MEF2B: variants seen among roughly 807,000 people sequenced by gnomAD.
MEF2B encodes myocyte-specific enhancer factor 2B.
MEF2B carries 15 observed loss-of-function variants against 32.2 expected under a neutral mutation model. The ratio of observed to expected loss-of-function variants is 0.47; its 90% CI spans 0.31 to 0.72. The LOEUF (loss-of-function observed/expected upper bound fraction) is 0.72. Among genes scored for constraint, MEF2B ranks in the 30% least tolerant of loss-of-function variants. The pLI, the probability that MEF2B is intolerant of heterozygous loss-of-function variation, is 0.05. For synonymous variants in MEF2B, 205 were observed against 225.6 expected (o/e 0.91, Z 0.82); for missense variants, 441 against 511.5 (o/e 0.86, Z 1.33).
In MEF2B at chr19:19,159,277, G is replaced by A. The variant is rs1054835477; in HGVS notation, c.-29-8513C>T. Among the ~76,000 whole-genome samples, 23 of 148,838 alleles carry A rather than the reference G, an allele frequency of 1.5e-4. No individual in the cohort carries two copies. The East Asian group carries it at 3.2e-3, about 21-fold the overall frequency. On this transcript the variant is annotated intron_variant, in intron 1 of 8. Coordinates refer to ENST00000424583, the MANE Select transcript of MEF2B (RefSeq NM_001145785.2). ...AAAAAAAAAAAAAATTAAATCTAGC[G>A]GGGCATGGTGGTGCCTGCCTGTAGT...
At chr19:19,162,849 A>T (rs1302894785) in intron 1 of MEF2B, among the ~76,000 whole-genome samples, 1 of 152,172 alleles carries the variant, frequency 6.6e-6, no homozygotes, top group South Asian at 2.1e-4. Context: ...CCACTGCGTG[A>T]TACTTTCTGA....
chr19:19,156,142 C>T (rs552129734), intron 1 of MEF2B, among the ~76,000 whole-genome samples: 57 of 152,184 alleles, frequency 3.7e-4, no homozygotes, highest in African/African-American at 1.3e-3. Flanking sequence ...TCATACTTAG[C>T]GTTTATTAAG....
chr19:19,152,394 A>G (rs1324968060), intron 1 of MEF2B, among the ~76,000 whole-genome samples: 1 of 105,634 alleles, frequency 9.5e-6, no homozygotes, highest in African/African-American at 4.0e-5. Context: ...AAAAAAAAAG[A>G]AAAAGAAAAA....
At chr19:19,150,347 G>T (rs2060066817) in intron 2 of MEF2B, among the ~76,000 whole-genome samples, 1 of 151,764 alleles carries the variant, frequency 6.6e-6, no homozygotes, top group African/African-American at 2.4e-5. Flanking sequence ...GGCCCACATG[G>T]TGAAACCCCG....
intron 1 of MEF2B, among the ~76,000 whole-genome samples, chr19:19,160,480 C>A (rs2060151772): frequency 6.6e-6 from 1 of 152,136 alleles, no homozygotes; most frequent in Non-Finnish European, 1.5e-5. Context: ...AGGAACAAGT[C>A]AAGTTCCCTT....
chr19:19,168,020 C>T (rs1268858297), intron 1 of MEF2B, among the ~76,000 whole-genome samples: 1 of 152,222 alleles, frequency 6.6e-6, no homozygotes, highest in East Asian at 1.9e-4. Context: ...TCCCCCTTTA[C>T]TGAACAACAG....
In MEF2B at chr19:19,146,301, C is replaced by T; in HGVS notation, c.853G>A (p.Gly285Arg). 7.5e-7 allele frequency: 1 copy of T among 1,333,370 alleles called. No homozygotes were observed. Among genetic ancestry groups the T allele is most frequent in the Non-Finnish European group, 9.7e-7 (1 of 1,035,034 alleles). 82.6% of individuals were successfully genotyped at this position (1,333,370 alleles called of 1,614,324 possible). Reference sequence around the variant, plus strand: ...GGCTGGGAGGACACGGCGGGGGGCCCATCACCCCTCGAGGGCTGCCAGGGG... The same window carrying T: ...GGCTGGGAGGACACGGCGGGGGGCCTATCACCCCTCGAGGGCTGCCAGGGG... ...LAPWQPSRGD[G>R]PPAVSSQPSG... is the part of the protein sequence containing the mutation. Residue 285 changes from glycine (G) to arginine (R), a missense_variant, in exon 8 of 9, where the codon GGG becomes AGG. By Grantham distance (125) the Gly-to-Arg change is moderately radical. Coordinates refer to ENST00000424583, the MANE Select transcript of MEF2B (RefSeq NM_001145785.2).
At chr19:19,165,908 C>T (rs1195771297) in intron 1 of MEF2B, among the ~76,000 whole-genome samples, 1 of 152,114 alleles carries the variant, frequency 6.6e-6, no homozygotes, top group African/African-American at 2.4e-5. Context: ...TGGAGGGAAA[C>T]AGCACCTGGC....
rs546865109 is a variant in MEF2B, at chr19:19,147,056, G to C, written c.521C>G (p.Ala174Gly). The change falls in exon 5 of 9, where the codon GCC (alanine) becomes GGC (glycine). Residue 174 changes from alanine (A) to glycine (G), a missense_variant. This residue lies in a region of MEF2B where 326 missense variants were observed against 328.4 expected (regional missense o/e 0.99). Transcript: ENST00000424583. Reference protein sequence around the residue: ...QSRPSPFRPAAPKAGPPGLVH... With the variant: ...QSRPSPFRPAGPKAGPPGLVH... ...CTCACCTGGGGGCCCGGCTTTGGGG[G>C]CTGCTGGTCGGAAGGGAGATGGGCG... The C allele has an allele frequency of 4.4e-6, 7 of 1,605,504 alleles. No homozygotes were observed. The Admixed American group carries it at 6.9e-5, about 16-fold the overall frequency.
intron 2 of MEF2B, among the ~76,000 whole-genome samples, chr19:19,149,695 T>C (rs1466343037): frequency 4.6e-5 from 7 of 152,114 alleles, no homozygotes; most frequent in Non-Finnish European, 8.8e-5. Context: ...CCCTCTGTTC[T>C]GGCCCTCTGA....
rs2146351801 is a variant in MEF2B at position 19,147,059 on chromosome 19, G to A, written c.518C>T (p.Ala173Val). 1 of 1,606,222 alleles carries A rather than the reference G, an allele frequency of 6.2e-7. No individual in the cohort carries two copies. Among genetic ancestry groups the A allele is most frequent in the Non-Finnish European group, 8.5e-7 (1 of 1,177,154 alleles). ...AQSRPSPFRP[A>V]APKAGPPGLV... ...ACCTGGGGGCCCGGCTTTGGGGGCT[G>A]CTGGTCGGAAGGGAGATGGGCGGCT... The change falls in exon 5 of 9, where the codon GCA (alanine) becomes GTA (valine). Residue 173 changes from alanine (A) to valine (V), a missense_variant. Physicochemically the swap from Ala to Val is moderately conservative, Grantham distance 64 (BLOSUM62 0). Around this residue, in one of 2 missense-constraint regions of MEF2B, gnomAD observed 326 missense variants for 328.4 expected, o/e 0.99. Transcript: ENST00000424583.
At chr19:19,157,055 C>CTGAGGT (rs2060125200) in intron 1 of MEF2B, 1 of 233,772 alleles carries the variant, frequency 4.3e-6, no homozygotes, top group Non-Finnish European at 9.4e-6. Context: ...GAGCCTGAGA[C>CTGAGGT]GGGAGGATTC....
chr19:19,151,555 C>T (rs1033466266), intron 1 of MEF2B, among the ~76,000 whole-genome samples: 15 of 152,278 alleles, frequency 9.9e-5, no homozygotes, highest in African/African-American at 3.6e-4. Context: ...TCTGTACAGA[C>T]GTCCCCTGAC....
rs2146351858 is a variant in MEF2B at position 19,147,072 on chromosome 19, G to A, written c.505C>T (p.Pro169Ser). The A allele has an allele frequency of 6.2e-7, 1 of 1,609,180 alleles. No individual in the cohort carries two copies. The highest frequency in any genetic ancestry group is 1.1e-5 in the South Asian group (1 of 90,724). Residue 169 changes from proline to serine, a missense_variant, in exon 5 of 9, where the codon CCC becomes TCC. By Grantham distance (74) the Pro-to-Ser change is moderately conservative. This residue lies in a region of MEF2B where 326 missense variants were observed against 328.4 expected (regional missense o/e 0.99). Coordinates refer to ENST00000424583, the MANE Select transcript of MEF2B (RefSeq NM_001145785.2). ...GCTTTGGGGGCTGCTGGTCGGAAGG[G>A]AGATGGGCGGCTCTGGGCGGGCAGT... The part of the protein sequence containing the change: ...EALPAQSRPS[P>S]FRPAAPKAGP...
At chr19:19,159,361 C>T (rs1436769137) in intron 1 of MEF2B, among the ~76,000 whole-genome samples, 2 of 151,700 alleles carry the variant, frequency 1.3e-5, no homozygotes, top group African/African-American at 4.8e-5. Context: ...ATGGAGGCTG[C>T]AGTGAGCTAT....
At chr19:19,164,687 G>A (rs2283621) in intron 1 of MEF2B, among the ~76,000 whole-genome samples, 44,536 of 152,100 alleles carry the variant, frequency 0.29, 6,603 homozygotes, top group Admixed American at 0.34. Flanking sequence ...GATGGCGGGC[G>A]CCTGTAATCC....
Position 19,146,889 on chromosome 19 carries a change from G to A in MEF2B, c.542-14C>T. ...GGTGCACCAGGCCTGGGGAAGAGGAGACCCCAGAGAGAGAGGACAGGCAGG... is the reference window on the plus strand; with the variant it reads ...GGTGCACCAGGCCTGGGGAAGAGGAAACCCCAGAGAGAGAGGACAGGCAGG... On this transcript the variant is annotated splice_polypyrimidine_tract_variant and intron_variant, in intron 5 of 8. Transcript: ENST00000424583. The A allele has an allele frequency of 6.2e-7, 1 of 1,608,316 alleles. No homozygotes were observed. The highest frequency in any genetic ancestry group is 1.3e-5 in the African/African-American group (1 of 74,970).
At chr19:19,155,674 T>C (rs1309558706) in intron 1 of MEF2B, among the ~76,000 whole-genome samples, 1 of 152,182 alleles carries the variant, frequency 6.6e-6, no homozygotes, top group African/African-American at 2.4e-5. Context: ...AGGCAAAGAA[T>C]GCGGAGGCGG....
chr19:19,166,235 C>T (rs2060206508), intron 1 of MEF2B, among the ~76,000 whole-genome samples: 1 of 152,104 alleles, frequency 6.6e-6, no homozygotes, highest in Admixed American at 6.6e-5. Flanking sequence ...GGGAAGTGGG[C>T]CTGGGCTTGT....
Sources: allele counts gnomAD v4.1 joint callset (sites outside exome capture counted in the v4.1 genomes callset), GRCh38; gene constraint gnomAD v4.1.1; regional missense constraint gnomAD v4.1.1; transcripts MANE v1.5; gene names NCBI Gene and HGNC (gene_info 2026-07-23, HGNC 2026-07-21).